TTC3: variants seen among roughly 807,000 people sequenced by gnomAD.
TTC3 encodes the protein tetratricopeptide repeat domain 3, also known as E3 ubiquitin-protein ligase TTC3.
Under a neutral mutation model 249.6 loss-of-function variants are expected in TTC3, and 180 were observed. The observed-to-expected ratio is 0.72, with a 90% confidence interval of 0.64 to 0.82. The LOEUF is 0.82. Ranked by LOEUF, TTC3 falls within the 40% of genes least tolerant of loss-of-function variation. The pLI is 0.00. For synonymous variants in TTC3, 717 were observed against 805.0 expected (o/e 0.89, Z 1.85); for missense variants, 2,061 against 2,398.4 (o/e 0.86, Z 2.94).
At chr21:37,153,093 C>T (rs1341502425) in exon 27 of TTC3, 11 of 1,613,722 alleles carry the variant, frequency 6.8e-6, no homozygotes, top group Non-Finnish European at 9.3e-6. Context: ...AAGTTTTGAG[C>T]ACAGAAGACT....
At chr21:37,121,519 T>G (rs1601588997) in intron 11 of TTC3, among the ~76,000 whole-genome samples, 1 of 152,274 alleles carries the variant, frequency 6.6e-6, no homozygotes, top group Admixed American at 6.5e-5. Context: ...AATTATTATA[T>G]TCTCTGTTAG....
chr21:37,079,972 G>A (rs887649800), intron 1 of TTC3, among the ~76,000 whole-genome samples: 2 of 152,024 alleles, frequency 1.3e-5, no homozygotes, highest in South Asian at 4.1e-4. Context: ...TCTTGGCAAA[G>A]GATTAACTTT....
At chr21:37,087,072 G>C in intron 1 of TTC3, 175 bp from the exon 2 acceptor site, 1 of 648,160 alleles carries the variant, frequency 1.5e-6, no homozygotes, top group Non-Finnish European at 2.6e-6. Flanking sequence ...TGGAGAGAGA[G>C]GAAAAGTCAG....
chr21:37,132,072 G>C (rs1569005697), intron 16 of TTC3, among the ~76,000 whole-genome samples: 1 of 152,028 alleles, frequency 6.6e-6, no homozygotes, highest in African/African-American at 2.4e-5. Context: ...TTCAAAAGCT[G>C]TTTTTCCATA....
At chr21:37,150,546 G>A (rs1309038758) in intron 24 of TTC3, among the ~76,000 whole-genome samples, 1 of 152,132 alleles carries the variant, frequency 6.6e-6, no homozygotes, top group Non-Finnish European at 1.5e-5. Flanking sequence ...AATGGCAAGA[G>A]TGGGTAGTTG....
At chr21:37,135,854 A>G (rs2077884968) in intron 18 of TTC3, among the ~76,000 whole-genome samples, 1 of 152,214 alleles carries the variant, frequency 6.6e-6, no homozygotes, top group South Asian at 2.1e-4. Context: ...GCTTTATTGT[A>G]CTTTGCAGAC....
At chr21:37,110,153 C>G (rs1002896400) in intron 11 of TTC3, among the ~76,000 whole-genome samples, 1 of 152,266 alleles carries the variant, frequency 6.6e-6, no homozygotes, top group Non-Finnish European at 1.5e-5. Flanking sequence ...CAGAGTGCCT[C>G]TCCTCCTCCA....
intron 20 of TTC3, among the ~76,000 whole-genome samples, chr21:37,142,948 T>C (rs2078629581): frequency 1.3e-5 from 2 of 152,170 alleles, no homozygotes; most frequent in African/African-American, 4.8e-5. Context: ...ACCACACATC[T>C]ACAACTATCT....
Position 37,094,105 on chromosome 21 carries a change from T to C in TTC3, c.687+15T>C, listed in dbSNP as rs1305594841. The C allele has an allele frequency of 6.8e-7, 1 of 1,465,344 alleles. No homozygotes were observed. The highest frequency in any genetic ancestry group is 9.3e-7 in the Non-Finnish European group (1 of 1,077,202). The allele number at this position is 1,465,344 out of a possible 1,614,324, so 90.8% of individuals were successfully genotyped here. A position where few individuals can be genotyped will look rare whatever the true frequency, so the allele number is the denominator to read the frequency against. ...ATTGTATAGAGGTGAGAATGAATAT[T>C]ATAAATATATTTTAAGATTTGCCCA... On this transcript the variant is annotated intron_variant, in intron 8 of 45. Coordinates refer to ENST00000355666, the Ensembl canonical transcript of TTC3.
At chr21:37,083,155 T>C in intron 1 of TTC3, 1 of 985,362 alleles carries the variant, frequency 1.0e-6, no homozygotes, top group Non-Finnish European at 1.2e-6. Flanking sequence ...AGGAAATGCT[T>C]CCTGAAATTG....
At chr21:37,134,734 G>A (rs866207965) in intron 17 of TTC3, among the ~76,000 whole-genome samples, 5 of 152,072 alleles carry the variant, frequency 3.3e-5, no homozygotes, top group Admixed American at 6.6e-5. Context: ...ATTATAATGC[G>A]TATTCAAATT....
chr21:37,099,637 TAAA>T (rs1288553205), intron 10 of TTC3, among the ~76,000 whole-genome samples: 1 of 152,184 alleles, frequency 6.6e-6, no homozygotes, highest in African/African-American at 2.4e-5. Context: ...GACAAAAGCT[TAAA>T]AATCTCATAA....
chr21:37,151,411 GA>G (rs1317045114), intron 25 of TTC3, among the ~76,000 whole-genome samples: 1 of 151,576 alleles, frequency 6.6e-6, no homozygotes, highest in Non-Finnish European at 1.5e-5. Context: ...TCTAAGAAGT[GA>G]TTTTTTTTTA....
At chr21:37,101,312 A>G (rs2074473656) in intron 10 of TTC3, 2 of 152,150 alleles carry the variant, frequency 1.3e-5, no homozygotes, top group Non-Finnish European at 2.9e-5. Flanking sequence ...GACTAGAGAT[A>G]TAAAGCACTG....
Position 37,091,335 on chromosome 21 carries a change from G to T in TTC3, c.523G>T (p.Ala175Ser), listed in dbSNP as rs372066651. The stretch of plus-strand genomic sequence containing the variant: ...AGAAGCTCTGAATTGGATAAAATAT[G>T]CAGGCGATGTAACAATTCTAACTAA... Residue 175 changes from alanine (A) to serine (S), a missense_variant, in exon 7 of 46, where the codon GCA becomes TCA. Physicochemically the swap from Ala to Ser is moderately conservative, Grantham distance 99. Transcript: ENST00000355666. 4.4e-5 allele frequency: 71 copies of T among 1,611,512 alleles called. No individual in the cohort carries two copies. The highest frequency in any genetic ancestry group is 5.9e-5 in the Non-Finnish European group (69 of 1,178,838).
At chr21:37,104,129 C>T (rs1027904538) in intron 10 of TTC3, among the ~76,000 whole-genome samples, 1 of 152,098 alleles carries the variant, frequency 6.6e-6, no homozygotes, top group Non-Finnish European at 1.5e-5. Context: ...AGAAGTTGCT[C>T]GTGGTTGGTG....
chr21:37,136,195 G>A (rs148881726), intron 18 of TTC3, among the ~76,000 whole-genome samples: 1 of 152,050 alleles, frequency 6.6e-6, no homozygotes, highest in Non-Finnish European at 1.5e-5. Context: ...TTGAAATTAG[G>A]CCAATTAATG....
intron 28 of TTC3, chr21:37,157,293 A>AT: frequency 2.8e-5 from 24 of 848,860 alleles, no homozygotes; most frequent in Admixed American, 5.0e-5. Flanking sequence ...TAGAATGGAT[A>AT]GCATTCTAGG....
chr21:37,167,356 G>A (rs73204051), intron 33 of TTC3, among the ~76,000 whole-genome samples, 199 bp from the exon 34 acceptor site: 19,022 of 151,986 alleles, frequency 0.13, 1,345 homozygotes, highest in Admixed American at 0.16. Flanking sequence ...TAAGAGCAAT[G>A]GATCATAATC....
Sources: gnomAD v4.1 joint callset for allele counts (sites outside exome capture counted in the v4.1 genomes callset) on GRCh38, gnomAD v4.1.1 for gene constraint, MANE v1.5 for transcripts, NCBI Gene and HGNC (gene_info 2026-07-23, HGNC 2026-07-21) for gene names.